RIMS2: variants seen among roughly 807,000 people sequenced by gnomAD.
RIMS2 encodes the protein regulating synaptic membrane exocytosis 2, also known as regulating synaptic membrane exocytosis protein 2.
In RIMS2, 59 loss-of-function variants were observed where a neutral mutation model predicts 174.4. The ratio of observed to expected loss-of-function variants is 0.34; its 90% CI spans 0.27 to 0.42. The LOEUF is 0.42. Ranked by LOEUF, RIMS2 falls within the 10% of genes least tolerant of loss-of-function variation. RIMS2 has a pLI of 1.00. For synonymous variants in RIMS2, 606 were observed against 572.5 expected, an observed-to-expected ratio of 1.06 and a Z score of -0.84; for missense variants, 1,620 against 1,666.3, an observed-to-expected ratio of 0.97 and a Z score of 0.48.
At chr8:103,508,464 A>G (rs1216452980) in intron 1 of RIMS2, among the ~76,000 whole-genome samples, 2 of 151,860 alleles carry the variant, frequency 1.3e-5, no homozygotes, top group Admixed American at 6.6e-5. Context: ...TGTTAAAAAA[A>G]AAAAAAAAAA....
At chr8:104,218,812 G>A (rs7834250) in intron 19 of RIMS2, among the ~76,000 whole-genome samples, 18,594 of 152,166 alleles carry the variant, frequency 0.12, 1,434 homozygotes, top group African/African-American at 0.2. Flanking sequence ...TCACTCACCC[G>A]CCACTGCTCA....
At chr8:103,525,177 CTTCTT>C (rs943859278) in intron 1 of RIMS2, among the ~76,000 whole-genome samples, 4 of 152,090 alleles carry the variant, frequency 2.6e-5, no homozygotes, top group African/African-American at 9.7e-5. Flanking sequence ...CATCAAGACT[CTTCTT>C]TTTTTTGTGG....
At chr8:103,503,390 A>C (rs1821576328) in intron 1 of RIMS2, among the ~76,000 whole-genome samples, 1 of 151,952 alleles carries the variant, frequency 6.6e-6, no homozygotes, top group Non-Finnish European at 1.5e-5. Flanking sequence ...GAAGATTTTG[A>C]CAGTTTACTA....
intron 19 of RIMS2, among the ~76,000 whole-genome samples, chr8:104,193,224 T>G (rs974258266): frequency 2.0e-5 from 3 of 148,148 alleles, no homozygotes; most frequent in African/African-American, 7.6e-5. Context: ...TGTATGCATT[T>G]TAATTTAGAT....
intron 19 of RIMS2, among the ~76,000 whole-genome samples, chr8:104,051,210 G>T (rs1490530620): frequency 6.6e-6 from 1 of 152,004 alleles, no homozygotes; most frequent in Non-Finnish European, 1.5e-5. Flanking sequence ...CTGCACTCCA[G>T]CCTGGATAAT....
At chr8:103,905,228 G>A (rs958646626) in intron 4 of RIMS2, among the ~76,000 whole-genome samples, 1 of 151,392 alleles carries the variant, frequency 6.6e-6, no homozygotes, top group African/African-American at 2.4e-5. Context: ...TTCTTTTTTT[G>A]TTTCTCTTTT....
At chr8:103,548,309 T>A (rs1587409770) in intron 1 of RIMS2, among the ~76,000 whole-genome samples, 1 of 152,208 alleles carries the variant, frequency 6.6e-6, no homozygotes, top group South Asian at 2.1e-4. Context: ...AAAAAGCTGA[T>A]GTGCCACGAT....
chr8:103,874,818 G>A (rs1416895213), intron 3 of RIMS2, among the ~76,000 whole-genome samples: 1 of 151,968 alleles, frequency 6.6e-6, no homozygotes, highest in African/African-American at 2.4e-5. Flanking sequence ...AGAACACCAT[G>A]TTTAAAATAT....
chr8:104,128,929 C>T (rs1308250508), intron 19 of RIMS2, among the ~76,000 whole-genome samples: 2 of 152,112 alleles, frequency 1.3e-5, no homozygotes, highest in African/African-American at 4.8e-5. Context: ...GCTCAGTGGG[C>T]TAAGGTGTGA....
chr8:103,539,934 A>G (rs566591707), intron 1 of RIMS2, among the ~76,000 whole-genome samples: 3 of 152,332 alleles, frequency 2.0e-5, no homozygotes, highest in South Asian at 2.1e-4. Flanking sequence ...GTGCATGCCA[A>G]TGCTCCACGC....
chr8:103,937,295 G>T (rs1369135219), intron 13 of RIMS2, among the ~76,000 whole-genome samples: 1 of 152,028 alleles, frequency 6.6e-6, no homozygotes, highest in Non-Finnish European at 1.5e-5. Flanking sequence ...AGAACTCTCA[G>T]TGTTGAATGA....
At chr8:103,834,676 T>TTTCTTTC (rs2098847912) in intron 3 of RIMS2, among the ~76,000 whole-genome samples, 2 of 120,012 alleles carry the variant, frequency 1.7e-5, no homozygotes, top group Admixed American at 8.3e-5. Flanking sequence ...TCTGAGGTCT[T>TTTCTTTC]TTTCTTTCTT....
At chr8:103,977,629 A>G (rs749802346) in intron 16 of RIMS2, among the ~76,000 whole-genome samples, 2 of 152,142 alleles carry the variant, frequency 1.3e-5, no homozygotes, top group African/African-American at 2.4e-5. Flanking sequence ...TGGAAATTGT[A>G]TCAGATTTCA....
rs537979413 is a variant in RIMS2, at chr8:104,145,807, A to C, written c.3335-99109A>C. Among the ~76,000 whole-genome samples, 593 of 152,038 alleles carry C rather than the reference A, an allele frequency of 3.9e-3. 5 individuals are homozygous for C. Among genetic ancestry groups the C allele is most frequent in the African/African-American group, 0.014 (575 of 41,496 alleles). Reference sequence around the variant, plus strand: ...GAACCCGGGAGGAGAGATTGCGGTGAGCTAGATCGCGCCATTGCACTCCAG... The same window carrying C: ...GAACCCGGGAGGAGAGATTGCGGTGCGCTAGATCGCGCCATTGCACTCCAG... On this transcript the variant is annotated intron_variant, in intron 19 of 23. Transcript: ENST00000504942.
At chr8:104,025,404 C>T (rs1217067400) in intron 19 of RIMS2, among the ~76,000 whole-genome samples, 1 of 152,102 alleles carries the variant, frequency 6.6e-6, no homozygotes, top group Non-Finnish European at 1.5e-5. Flanking sequence ...AGGAAGATCG[C>T]TGAGCCCAGG....
At chr8:103,962,383 A>G (rs970256282) in intron 15 of RIMS2, among the ~76,000 whole-genome samples, 7 of 152,110 alleles carry the variant, frequency 4.6e-5, no homozygotes, top group Non-Finnish European at 8.8e-5. Flanking sequence ...TAGAAACCCT[A>G]CCCCACTCAA....
intron 19 of RIMS2, among the ~76,000 whole-genome samples, chr8:104,217,762 A>G (rs1364922892): frequency 6.6e-6 from 1 of 152,236 alleles, no homozygotes; most frequent in Non-Finnish European, 1.5e-5. Context: ...AAAAGATTAT[A>G]TATTTTGGAT....
chr8:103,633,376 T>A (rs2095993421), intron 1 of RIMS2, among the ~76,000 whole-genome samples: 1 of 152,104 alleles, frequency 6.6e-6, no homozygotes, highest in Non-Finnish European at 1.5e-5. Flanking sequence ...CAAACTTGCA[T>A]CCTGGGGATG....
At chr8:103,960,330 T>C (rs1327444422) in intron 14 of RIMS2, among the ~76,000 whole-genome samples, 1 of 152,232 alleles carries the variant, frequency 6.6e-6, no homozygotes, top group Non-Finnish European at 1.5e-5. Context: ...GCTATAGATT[T>C]GTTATGTGAG....
Sources: allele counts gnomAD v4.1 joint callset (sites outside exome capture counted in the v4.1 genomes callset), GRCh38; gene constraint gnomAD v4.1.1; transcripts MANE v1.5; gene names NCBI Gene and HGNC (gene_info 2026-07-23, HGNC 2026-07-21).